The following HERC1 variants were observed in gnomAD, a reference collection of about 807,000 sequenced individuals.
HERC1 encodes HECT and RLD domain containing E3 ubiquitin protein ligase family member 1.
Under a neutral mutation model 554.3 loss-of-function variants are expected in HERC1, and 160 were observed. The ratio of observed to expected loss-of-function variants is 0.29; its 90% CI spans 0.25 to 0.33. HERC1 has a LOEUF of 0.33. Ranked by LOEUF, HERC1 falls within the 10% of genes least tolerant of loss-of-function variation. The pLI is 1.00. For synonymous variants in HERC1, 2,175 were observed against 2,131.7 expected (o/e 1.02, Z -0.56); for missense variants, 4,919 against 5,918.5 (o/e 0.83, Z 5.54).
chr15:63,791,684 A>T (rs1373084036), intron 1 of HERC1, among the ~76,000 whole-genome samples: 1 of 152,180 alleles, frequency 6.6e-6, no homozygotes, highest in African/African-American at 2.4e-5. Context: ...AAACACTTAA[A>T]ATCAATTCGA....
intron 58 of HERC1, 109 bp from the exon 59 acceptor site, chr15:63,643,167 C>A: frequency 1.1e-6 from 1 of 922,330 alleles, no homozygotes. Flanking sequence ...TACATTTTAG[C>A]TAAATTCAGC....
At chr15:63,672,778 T>G in intron 38 of HERC1, 84 bp from the exon 39 acceptor site, 2 of 875,638 alleles carry the variant, frequency 2.3e-6, no homozygotes, top group Non-Finnish European at 3.5e-6. Flanking sequence ...TTCTACCTGT[T>G]TAATTTAAAA....
Position 63,727,685 on chromosome 15 carries a change from T to C in HERC1, c.3308A>G (p.Asp1103Gly). The change falls in exon 17 of 78, where the codon GAT (aspartate) becomes GGT (glycine). Residue 1103 changes from aspartate to glycine, a missense_variant. By Grantham distance (94) the Asp-to-Gly change is moderately conservative. This residue lies in a region of HERC1 where 1,121 missense variants were observed against 1,244.0 expected (regional missense o/e 0.90). Coordinates refer to ENST00000443617, the MANE Select transcript of HERC1 (RefSeq NM_003922.4). This position sits in a 1 kb window ranked among gnomAD's most constrained non-coding sequence, Gnocchi z 4.3. ...CTGTAACTCCTGGTCTTCTAAAAGA[T>C]CAGCAGCTGGCAGGAGTCTATTAAG... The part of the protein sequence containing the change: ...DCLNRLLPAA[D>G]LLEDQELQWP... 1.2e-6 allele frequency: 2 copies of C among 1,613,432 alleles called. No homozygotes were observed. Among genetic ancestry groups the C allele is most frequent in the Non-Finnish European group, 1.7e-6 (2 of 1,179,696 alleles).
At position 63,677,238 on chromosome 15, in the gene HERC1, T is replaced by C. The variant is rs997418009; in HGVS notation, c.7070+607A>G. ...CATTTCCTTGTAAACATATGAAATT[T>C]GTAATTTGCACAAATCCTCTCTGAA... On this transcript the variant is annotated intron_variant, in intron 37 of 77. Coordinates refer to ENST00000443617, the MANE Select transcript of HERC1 (RefSeq NM_003922.4). This position sits in a 1 kb window ranked among gnomAD's most constrained non-coding sequence, Gnocchi z 4.4. Among the ~76,000 whole-genome samples the C allele has an allele frequency of 6.6e-6, 1 of 152,210 alleles. No individual in the cohort carries two copies. Among genetic ancestry groups the C allele is most frequent in the Non-Finnish European group, 1.5e-5 (1 of 68,020 alleles).
intron 49 of HERC1, 46 bp from the exon 50 acceptor site, chr15:63,656,001 T>C: frequency 1.3e-6 from 2 of 1,593,886 alleles, no homozygotes; most frequent in African/African-American, 1.3e-5. Flanking sequence ...ACATGTAATT[T>C]TGGAACAAAA....
chr15:63,624,554 G>T (rs1173213047), intron 71 of HERC1, among the ~76,000 whole-genome samples: 1 of 152,100 alleles, frequency 6.6e-6, no homozygotes, highest in African/African-American at 2.4e-5. Context: ...AATTAGCTGG[G>T]CATGGTGGCA....
intron 40 of HERC1, among the ~76,000 whole-genome samples, chr15:63,667,349 T>A (rs1051032050): frequency 2.0e-5 from 3 of 152,128 alleles, no homozygotes; most frequent in African/African-American, 7.2e-5. Context: ...GAGAATCAAC[T>A]ATTATTCCAT....
At chr15:63,613,997 G>GA (rs1048269138) in intron 76 of HERC1, among the ~76,000 whole-genome samples, 3 of 152,032 alleles carry the variant, frequency 2.0e-5, no homozygotes, top group Admixed American at 6.6e-5. Flanking sequence ...AAGCTGTCTG[G>GA]AAAAAAAATT....
rs1323006116 is a variant in HERC1, at chr15:63,718,559, GA to G, written c.3978+14del. 6.5e-7 allele frequency: 1 copy of G among 1,536,438 alleles called. No individual in the cohort carries two copies. ...TTGCAGAAAAACATAGAAATTAATT[GA>G]TTTCAAACTTTACCCATCTGTCCCG... On this transcript the variant is annotated intron_variant, in intron 21 of 77. Transcript: ENST00000443617. The surrounding 1 kb of genome is among the most constrained non-coding windows in gnomAD (Gnocchi z 4.2).
chr15:63,780,928 A>T (rs1056416749), intron 1 of HERC1, among the ~76,000 whole-genome samples: 1 of 152,228 alleles, frequency 6.6e-6, no homozygotes, highest in African/African-American at 2.4e-5. Context: ...AAATGTATAT[A>T]ACTATAAATC....
Position 63,728,963 on chromosome 15 carries a change from T to TA in HERC1, c.3154+272dup, listed in dbSNP as rs113616666. Among the ~76,000 whole-genome samples the TA allele has an allele frequency of 0.27, 40,053 of 150,252 alleles. 5,971 individuals carry two copies. The highest frequency in any genetic ancestry group is 0.38 in the Middle Eastern group (108 of 288). On this transcript the variant is annotated intron_variant, in intron 16 of 77. Transcript: ENST00000443617. ...TTAAAAAAAAAAAAAAAGAGCAGAT[T>TA]AAAAAATCTCACTTTCTGCCATTTA... is the stretch of plus-strand genomic sequence containing the variant.
intron 1 of HERC1, among the ~76,000 whole-genome samples, chr15:63,799,213 G>T (rs991583258): frequency 3.9e-5 from 6 of 152,112 alleles, no homozygotes; most frequent in Admixed American, 2.0e-4. Context: ...ACAAAAAGTA[G>T]CTATTGGCCA....
chr15:63,776,679 TA>T (rs2076126649), intron 1 of HERC1, among the ~76,000 whole-genome samples: 1 of 152,140 alleles, frequency 6.6e-6, no homozygotes, highest in South Asian at 2.1e-4. Flanking sequence ...TGTTAAAACC[TA>T]GTGGGCTGGG....
intron 37 of HERC1, among the ~76,000 whole-genome samples, chr15:63,676,680 C>T (rs752211764): frequency 6.6e-6 from 1 of 152,118 alleles, no homozygotes. Flanking sequence ...TGCTTGAACC[C>T]GGGAGGCAGA....
In HERC1 at chr15:63,831,089, C is replaced by T. The variant is rs149189404; in HGVS notation, c.-27+2738G>A. 4.0e-5 allele frequency among the ~76,000 whole-genome samples: 6 copies of T among 151,894 alleles called. No individual in the cohort carries two copies. In the East Asian group the frequency reaches 1.2e-3, roughly 29 times the overall value. On this transcript the variant is annotated intron_variant, in intron 1 of 77. Transcript: ENST00000443617. ...GTATGTTAAGCCAAAGTTGTGTAGA[C>T]CTTTGTTGTTGTTTGTTTTGTTTTA... is the stretch of plus-strand genomic sequence containing the variant.
chr15:63,712,235 T>C (rs2073334812), intron 24 of HERC1, among the ~76,000 whole-genome samples: 1 of 152,166 alleles, frequency 6.6e-6, no homozygotes, highest in Non-Finnish European at 1.5e-5. Flanking sequence ...TGAAGGCTTC[T>C]GCACACGTCC....
rs1393814742 is a variant in HERC1 at position 63,680,023 on chromosome 15, T to C, written c.6549+54A>G. The C allele has an allele frequency of 3.2e-6, 4 of 1,244,700 alleles. No homozygotes were observed. Among genetic ancestry groups the C allele is most frequent in the South Asian group, 2.6e-5 (2 of 78,298 alleles). 77.1% of individuals were successfully genotyped at this position (1,244,700 alleles called of 1,614,324 possible). ...TATTATATTTATAAACTCTATCTGA[T>C]GCTAAACAATAAAATAACAAATATT... is the stretch of plus-strand genomic sequence containing the variant. On this transcript the variant is annotated intron_variant, in intron 36 of 77. Coordinates refer to ENST00000443617, the MANE Select transcript of HERC1 (RefSeq NM_003922.4). This position sits in a 1 kb window ranked among gnomAD's most constrained non-coding sequence, Gnocchi z 5.8.
intron 12 of HERC1, among the ~76,000 whole-genome samples, chr15:63,736,806 C>T (rs914301683): frequency 1.3e-5 from 2 of 152,018 alleles, no homozygotes; most frequent in African/African-American, 2.4e-5. Flanking sequence ...GGGGTTTCAC[C>T]ATGTTGGGCA....
intron 19 of HERC1, among the ~76,000 whole-genome samples, chr15:63,720,034 G>T (rs1487058723): frequency 1.3e-5 from 2 of 149,156 alleles, no homozygotes; most frequent in Non-Finnish European, 3.0e-5. Flanking sequence ...AAACAGAAAT[G>T]AAGACATGTA....
Sources: gnomAD v4.1 joint callset for allele counts (sites outside exome capture counted in the v4.1 genomes callset) on GRCh38, gnomAD v4.1.1 for gene constraint, gnomAD v4.1.1 regional missense constraint, Gnocchi (gnomAD v3.1) non-coding constraint, MANE v1.5 for transcripts, NCBI Gene and HGNC (gene_info 2026-07-23, HGNC 2026-07-21) for gene names.